The following C10orf67 variants were observed in gnomAD, a reference collection of about 807,000 sequenced individuals.
The protein encoded by C10orf67 is uncharacterized protein C10orf67, mitochondrial.
A neutral mutation model predicts 35.6 loss-of-function variants in C10orf67; 60 were observed. The ratio of observed to expected loss-of-function variants is 1.68; its 90% CI spans 1.37 to 2.09. C10orf67 has a LOEUF of 2.09. Among genes scored for constraint, C10orf67 ranks in the 30% most tolerant of loss-of-function variants. The probability of loss-of-function intolerance (pLI) is 0.00; values close to 1 mark genes in which losing one functional copy is unlikely to be tolerated. For synonymous variants in C10orf67, 167 were observed against 115.8 expected (o/e 1.44, Z -2.84); for missense variants, 474 against 330.2 (o/e 1.44, Z -3.38).
At chr10:23,329,292 GAC>G (rs1845336164) in intron 2 of C10orf67, among the ~76,000 whole-genome samples, 1 of 151,386 alleles carries the variant, frequency 6.6e-6, no homozygotes, top group African/African-American at 2.4e-5. Flanking sequence ...AATAATAAAA[GAC>G]AATAAATATT....
chr10:23,223,206 C>T, intron 15 of C10orf67, among the ~76,000 whole-genome samples: 1 of 151,978 alleles, frequency 6.6e-6, no homozygotes. Context: ...CCTGATTAGC[C>T]TGGACTACAG....
intron 2 of C10orf67, among the ~76,000 whole-genome samples, chr10:23,326,226 T>G (rs1845187824): frequency 6.6e-6 from 1 of 152,098 alleles, no homozygotes; most frequent in Non-Finnish European, 1.5e-5. Flanking sequence ...AAAACCACAC[T>G]TAGGTACATA....
intron 4 of C10orf67, among the ~76,000 whole-genome samples, chr10:23,310,918 C>T (rs1844471481): frequency 6.6e-6 from 1 of 152,272 alleles, no homozygotes; most frequent in African/African-American, 2.4e-5. Flanking sequence ...GCCAATTAAG[C>T]TGCTCCACCA....
At chr10:23,337,410 T>C (rs1215714654) in intron 1 of C10orf67, among the ~76,000 whole-genome samples, 20 of 152,146 alleles carry the variant, frequency 1.3e-4, no homozygotes, top group Admixed American at 1.3e-3. Flanking sequence ...GGCAAACACC[T>C]GTAGTCCCAG....
chr10:23,229,391 C>T (rs1260582087), intron 13 of C10orf67, among the ~76,000 whole-genome samples: 1 of 131,048 alleles, frequency 7.6e-6, no homozygotes, highest in Non-Finnish European at 1.5e-5. Context: ...AATGAGAACA[C>T]TTGGACACAG....
intron 10 of C10orf67, among the ~76,000 whole-genome samples, chr10:23,261,232 C>A (rs187611639): frequency 2.0e-5 from 3 of 152,202 alleles, no homozygotes; most frequent in African/African-American, 7.2e-5. Context: ...TATCTCAATA[C>A]CTGCATACAC....
chr10:23,265,760 C>T (rs1042669001), intron 10 of C10orf67, among the ~76,000 whole-genome samples: 1 of 152,180 alleles, frequency 6.6e-6, no homozygotes, highest in African/African-American at 2.4e-5. Flanking sequence ...AAGGCTGCCA[C>T]CCTAGCTCCT....
At chr10:23,270,123 G>A (rs7078858) in intron 8 of C10orf67, among the ~76,000 whole-genome samples, 28,398 of 152,056 alleles carry the variant, frequency 0.19, 2,920 homozygotes, top group Admixed American at 0.29. Context: ...GTCCATGGCT[G>A]TCATGCAGAA....
At chr10:23,260,772 C>T (rs955864188) in intron 10 of C10orf67, among the ~76,000 whole-genome samples, 18 of 152,188 alleles carry the variant, frequency 1.2e-4, no homozygotes, top group Non-Finnish European at 2.2e-4. Context: ...TATCAATCAG[C>T]TGTTTGGATG....
chr10:23,256,376 T>G (rs1842600748), intron 10 of C10orf67, among the ~76,000 whole-genome samples: 1 of 152,026 alleles, frequency 6.6e-6, no homozygotes, highest in Admixed American at 6.6e-5. Context: ...ATTCCAACAC[T>G]AAAAACAAGA....
At chr10:23,205,861 T>G (rs1841144750) in intron 15 of C10orf67, among the ~76,000 whole-genome samples, 1 of 152,214 alleles carries the variant, frequency 6.6e-6, no homozygotes, top group Non-Finnish European at 1.5e-5. Context: ...TTAGTTGAAG[T>G]AAGTCTCCTA....
chr10:23,333,201 A>C lies in C10orf67; in HGVS notation c.207-19T>G, dbSNP rs1845549351. The C allele has an allele frequency of 1.3e-6, 2 of 1,585,360 alleles. No homozygotes were observed. The highest frequency in any genetic ancestry group is 1.7e-6 in the Non-Finnish European group (2 of 1,160,598). The stretch of plus-strand genomic sequence containing the variant: ...GTTAAGTCTGAAAACAAAGGAAATG[A>C]AATGTGCTTTAAGTCATAGATATTT... On this transcript the variant is annotated intron_variant, in intron 1 of 15. Coordinates refer to ENST00000636213, the MANE Select transcript of C10orf67 (RefSeq NM_001371909.1).
intron 10 of C10orf67, among the ~76,000 whole-genome samples, chr10:23,262,339 C>T (rs1311904364): frequency 2.3e-5 from 3 of 131,286 alleles, no homozygotes; most frequent in Non-Finnish European, 4.6e-5. Flanking sequence ...TGGAATCAAG[C>T]AACACCATGT....
At chr10:23,267,633 C>A (rs533355249) in intron 8 of C10orf67, among the ~76,000 whole-genome samples, 1 of 152,324 alleles carries the variant, frequency 6.6e-6, no homozygotes, top group East Asian at 1.9e-4. Flanking sequence ...GAAGGCCGGG[C>A]ACGGTGGCTC....
At chr10:23,210,466 C>G (rs1841278362) in intron 15 of C10orf67, among the ~76,000 whole-genome samples, 1 of 152,108 alleles carries the variant, frequency 6.6e-6, no homozygotes, top group African/African-American at 2.4e-5. Flanking sequence ...GTCACCCAAG[C>G]TGGAGTGCAG....
intron 4 of C10orf67, among the ~76,000 whole-genome samples, chr10:23,315,673 C>G (rs1564506991): frequency 2.0e-5 from 3 of 152,058 alleles, no homozygotes; most frequent in Non-Finnish European, 4.4e-5. Flanking sequence ...ACTCCTGAGC[C>G]CAAGTGATCT....
At chr10:23,308,270 C>T (rs1390885646) in intron 4 of C10orf67, among the ~76,000 whole-genome samples, 2 of 152,148 alleles carry the variant, frequency 1.3e-5, no homozygotes, top group African/African-American at 4.8e-5. Context: ...CCTTGTTCAC[C>T]TGGATATTGT....
At chr10:23,294,089 G>T (rs906021055) in intron 5 of C10orf67, among the ~76,000 whole-genome samples, 7 of 152,190 alleles carry the variant, frequency 4.6e-5, no homozygotes, top group Non-Finnish European at 7.3e-5. Context: ...GGGAGGAGCA[G>T]AGTTCTGATG....
At chr10:23,331,172 G>A (rs201539138) in intron 2 of C10orf67, among the ~76,000 whole-genome samples, 10 of 143,694 alleles carry the variant, frequency 7.0e-5, no homozygotes, top group Admixed American at 3.4e-4. Flanking sequence ...GAAGGGAACC[G>A]GGACGGGGAA....
Sources: gnomAD v4.1 joint callset for allele counts (sites outside exome capture counted in the v4.1 genomes callset) on GRCh38, gnomAD v4.1.1 for gene constraint, MANE v1.5 for transcripts, NCBI Gene and HGNC (gene_info 2026-07-23, HGNC 2026-07-21) for gene names.